The following CRMP1 variants were observed in gnomAD, a reference collection of about 807,000 sequenced individuals.
CRMP1 encodes collapsin response mediator protein 1, also known as dihydropyrimidinase-related protein 1.
A neutral mutation model predicts 68.3 loss-of-function variants in CRMP1; 19 were observed. The ratio of observed to expected loss-of-function variants is 0.28; its 90% CI spans 0.19 to 0.41. CRMP1 has a LOEUF of 0.41. Among genes scored for constraint, CRMP1 ranks in the 10% least tolerant of loss-of-function variants. The pLI, the probability that CRMP1 is intolerant of heterozygous loss-of-function variation, is 1.00. For missense variants in CRMP1, 791 were observed against 967.4 expected, an observed-to-expected ratio of 0.82 and a Z score of 2.42; for synonymous variants, 439 against 399.6, an observed-to-expected ratio of 1.10 and a Z score of -1.18.
At chr4:5,856,348 G>C in intron 3 of CRMP1, 41 bp from the exon 4 acceptor site, 4 of 1,588,122 alleles carry the variant, frequency 2.5e-6, no homozygotes, top group Non-Finnish European at 3.4e-6. Context: ...TCAGACTCAA[G>C]TGTTCCAATG....
chr4:5,825,457 G>C lies in CRMP1; in HGVS notation c.1969+37C>G, dbSNP rs1249892600. On this transcript the variant is annotated intron_variant, in intron 13 of 13. Transcript: ENST00000324989. The surrounding 1 kb of genome is among the most constrained non-coding windows in gnomAD (Gnocchi z 4.4). ...CAGGAAGGACTCGGCCTGAACTGCT[G>C]CAATTGTGGGGAGCCTGGGCCACCA... The C allele has an allele frequency of 2.6e-6, 4 of 1,535,380 alleles. No homozygotes were observed. Among genetic ancestry groups the C allele is most frequent in the Non-Finnish European group, 3.5e-6 (4 of 1,149,342 alleles).
chr4:5,873,739 C>G (rs1374460785), intron 1 of CRMP1, among the ~76,000 whole-genome samples: 1 of 152,138 alleles, frequency 6.6e-6, no homozygotes, highest in Non-Finnish European at 1.5e-5. Flanking sequence ...AGACCATATT[C>G]CATGGGGAAA....
Position 5,888,640 on chromosome 4 carries a change from C to G in CRMP1, c.381+3949G>C. The G allele has an allele frequency of 1.0e-6, 1 of 961,104 alleles. No homozygotes were observed. The highest frequency in any genetic ancestry group is 1.2e-6 in the Non-Finnish European group (1 of 809,664). The allele number at this position is 961,104 out of a possible 1,614,324, so 59.5% of individuals were successfully genotyped here. On this transcript the variant is annotated intron_variant, in intron 1 of 13. Coordinates refer to ENST00000324989, the MANE Select transcript of CRMP1 (RefSeq NM_001014809.3). This position sits in a 1 kb window ranked among gnomAD's most constrained non-coding sequence, Gnocchi z 6.4. ...CTCCCACCCCGCCCCCCGCCCCCCA[C>G]CCGCCCAGCCCCGCCGACCCCCGCC...
At position 5,841,003 on chromosome 4, in the gene CRMP1, A is replaced by G. The variant is rs1488763671; in HGVS notation, c.1153+305T>C. ...CTGAATTTTGAAGAGAGTACAGAAAACATCATGCAAAATATTAATGATTTT... is the reference window on the plus strand; with the variant it reads ...CTGAATTTTGAAGAGAGTACAGAAAGCATCATGCAAAATATTAATGATTTT... On this transcript the variant is annotated intron_variant, in intron 8 of 13. Coordinates refer to ENST00000324989, the MANE Select transcript of CRMP1 (RefSeq NM_001014809.3). This position sits in a 1 kb window ranked among gnomAD's most constrained non-coding sequence, Gnocchi z 6.9. Among the ~76,000 whole-genome samples, 2 of 152,184 alleles carry G rather than the reference A, an allele frequency of 1.3e-5. No homozygotes were observed. Among genetic ancestry groups the G allele is most frequent in the East Asian group, 3.8e-4 (2 of 5,202 alleles).
At chr4:5,885,201 C>T (rs1010860497) in intron 1 of CRMP1, among the ~76,000 whole-genome samples, 1 of 152,134 alleles carries the variant, frequency 6.6e-6, no homozygotes, top group Non-Finnish European at 1.5e-5. Flanking sequence ...GCCCATGCTG[C>T]GCCCCTGCCT....
intron 1 of CRMP1, among the ~76,000 whole-genome samples, chr4:5,874,792 A>G (rs1021356524): frequency 1.9e-4 from 29 of 152,200 alleles, no homozygotes; most frequent in African/African-American, 6.0e-4. Context: ...ACAAAGGGAG[A>G]AAAGAATACA....
Position 5,835,897 on chromosome 4 carries a change from A to C in CRMP1, c.1623+18T>G. 3 of 1,463,756 alleles carry C rather than the reference A, an allele frequency of 2.0e-6. No individual in the cohort carries two copies. Among genetic ancestry groups the C allele is most frequent in the Non-Finnish European group, 2.7e-6 (3 of 1,103,448 alleles). The allele number at this position is 1,463,756 out of a possible 1,614,324, so 90.7% of individuals were successfully genotyped here. On this transcript the variant is annotated intron_variant, in intron 11 of 13. Transcript: ENST00000324989. ...GAAGAATCACTTATCTCAGCAGCAC[A>C]AATAGGCCAGGACTTACCGACTTGT...
At position 5,837,630 on chromosome 4, in the gene CRMP1, A is replaced by AAAAAT. The variant is rs1213497115; in HGVS notation, c.1311-729_1311-725dup. On this transcript the variant is annotated intron_variant, in intron 9 of 13. Transcript: ENST00000324989. ...GCGACAAGAGCAAAACGCAGTCTCAAAAAATAAAATAAAATAAAATAATAA... is the reference window on the plus strand; with the variant it reads ...GCGACAAGAGCAAAACGCAGTCTCAAAAAATAAAATAAAATAAAATAAAATAATAA... Among the ~76,000 whole-genome samples, 7 of 93,140 alleles carry AAAAAT rather than the reference A, an allele frequency of 7.5e-5. No individual in the cohort carries two copies. The East Asian group carries it at 1.4e-3, about 19-fold the overall frequency. The allele number at this position is 93,140 out of a possible 152,430, so 61.1% of individuals were successfully genotyped here.
rs115040376 is a variant in CRMP1 at position 5,861,472 on chromosome 4, C to T, written c.471-262G>A. ...GAGGAGGGGCCCTTTCATCCAGTCT[C>T]ATTATCTAAGAAGGCTTCCAGGTGG... On this transcript the variant is annotated intron_variant, in intron 2 of 13. Coordinates refer to ENST00000324989, the MANE Select transcript of CRMP1 (RefSeq NM_001014809.3). The surrounding 1 kb of genome is among the most constrained non-coding windows in gnomAD (Gnocchi z 6.0). 5.4e-3 allele frequency among the ~76,000 whole-genome samples: 828 copies of T among 152,266 alleles called. 7 individuals are homozygous for T. The highest frequency in any genetic ancestry group is 0.019 in the African/African-American group (774 of 41,560).
In CRMP1 at chr4:5,888,904, C is replaced by T. The variant is rs998832818; in HGVS notation, c.381+3685G>A. ...GGGAACGTTCTTGTCCCTCCAGGAT[C>T]GCGCCCAAGGACCGCTCCCCTCTTG... is the stretch of plus-strand genomic sequence containing the variant. On this transcript the variant is annotated intron_variant, in intron 1 of 13. Transcript: ENST00000324989. This position sits in a 1 kb window ranked among gnomAD's most constrained non-coding sequence, Gnocchi z 6.4. Among the ~76,000 whole-genome samples the T allele has an allele frequency of 6.6e-6, 1 of 151,918 alleles. No individual in the cohort carries two copies. The highest frequency in any genetic ancestry group is 1.5e-5 in the Non-Finnish European group (1 of 67,948).
intron 1 of CRMP1, among the ~76,000 whole-genome samples, chr4:5,869,203 T>C (rs1317876535): frequency 6.6e-6 from 1 of 152,138 alleles, no homozygotes; most frequent in Non-Finnish European, 1.5e-5. Context: ...TCCTCCCTCC[T>C]CGGTTTCCCA....
At chr4:5,823,218 C>T (rs1458815613) in intron 13 of CRMP1, among the ~76,000 whole-genome samples, 1 of 152,122 alleles carries the variant, frequency 6.6e-6, no homozygotes, top group Non-Finnish European at 1.5e-5. Flanking sequence ...TAGATGAGCC[C>T]CTTCCAACTC....
At position 5,828,625 on chromosome 4, in the gene CRMP1, G is replaced by A. The variant is rs139579016; in HGVS notation, c.1667C>T (p.Ser556Phe). Residue 556 changes from serine (S) to phenylalanine (F), a missense_variant, in exon 12 of 14, where the codon TCC (serine) becomes TTC (phenylalanine). Ser to Phe is a radical substitution (Grantham distance 155). Coordinates refer to ENST00000324989, the MANE Select transcript of CRMP1 (RefSeq NM_001014809.3). ...NIFEGMECHG[S>F]PLVVISQGKI... ...GCCCTGGCTGATGACCACTAGTGGG[G>A]AGCCGTGGCACTCCATACCCTCGAA... is the stretch of plus-strand genomic sequence containing the variant. 123 of 1,614,222 alleles carry A rather than the reference G, an allele frequency of 7.6e-5. No individual in the cohort carries two copies. In the African/African-American group the frequency reaches 1.4e-3, roughly 18 times the overall value.
Position 5,832,392 on chromosome 4 carries a change from T to C in CRMP1, c.1623+3523A>G, listed in dbSNP as rs147289567. On this transcript the variant is annotated intron_variant, in intron 11 of 13. Transcript: ENST00000324989. ...TACAAACATGTATGCATACCCATGA[T>C]GTGGCACTTTGATGTGAATGTTTTC... Among the ~76,000 whole-genome samples the C allele has an allele frequency of 4.1e-3, 621 of 152,346 alleles. 6 individuals carry two copies. The highest frequency in any genetic ancestry group is 0.014 in the African/African-American group (581 of 41,578).
In CRMP1 at chr4:5,861,167, T is replaced by C; in HGVS notation, c.514A>G (p.Ile172Val). 5.0e-6 allele frequency: 8 copies of C among 1,614,212 alleles called. No individual in the cohort carries two copies. Among genetic ancestry groups the C allele is most frequent in the Non-Finnish European group, 6.8e-6 (8 of 1,180,036 alleles). The change falls in exon 3 of 14, where the codon ATT becomes GTT. Residue 172 changes from isoleucine to valine, a missense_variant. By Grantham distance (29) the Ile-to-Val change is conservative. Around this residue, in one of 3 missense-constraint regions of CRMP1, gnomAD observed 594 missense variants for 763.6 expected, o/e 0.78. Coordinates refer to ENST00000324989, the MANE Select transcript of CRMP1 (RefSeq NM_001014809.3). The surrounding 1 kb of genome is among the most constrained non-coding windows in gnomAD (Gnocchi z 6.0). ...NLIVPGGVKT[I>V]EANGRMVIPG... is the part of the protein sequence containing the mutation. ...ATAACCATCCGCCCGTTGGCTTCAA[T>C]GGTCTTCACTCCACCAGGAACGATT...
At position 5,826,092 on chromosome 4, in the gene CRMP1, T is replaced by A. The variant is rs562246439; in HGVS notation, c.1804-433A>T. 6 of 240,752 alleles carry A rather than the reference T, an allele frequency of 2.5e-5. No individual in the cohort carries two copies. In the Admixed American group the frequency reaches 2.5e-4, roughly 10 times the overall value. 14.9% of individuals were successfully genotyped at this position (240,752 alleles called of 1,614,324 possible). A position where few individuals can be genotyped will look rare whatever the true frequency, so the allele number is the denominator to read the frequency against. On this transcript the variant is annotated intron_variant, in intron 12 of 13. Transcript: ENST00000324989. The stretch of plus-strand genomic sequence containing the variant: ...CATGCATACATGCCCACACACACAC[T>A]CATACAGGTATACACACCCATATAT...
Position 5,825,807 on chromosome 4 carries a change from G to A in CRMP1, c.1804-148C>T. On this transcript the variant is annotated intron_variant, in intron 12 of 13. Transcript: ENST00000324989. This position sits in a 1 kb window ranked among gnomAD's most constrained non-coding sequence, Gnocchi z 4.4. The stretch of plus-strand genomic sequence containing the variant: ...ACACACACAACACGCACACACGACA[G>A]GTGCACTTCACACACATGCAGCCGC... 1 of 730,350 alleles carries A rather than the reference G, an allele frequency of 1.4e-6. No homozygotes were observed. The highest frequency in any genetic ancestry group is 3.0e-5 in the East Asian group (1 of 33,346). 45.2% of individuals were successfully genotyped at this position (730,350 alleles called of 1,614,324 possible). A position where few individuals can be genotyped will look rare whatever the true frequency, so the allele number is the denominator to read the frequency against.
In CRMP1 at chr4:5,861,859, C is replaced by T. The variant is rs924376058; in HGVS notation, c.471-649G>A. On this transcript the variant is annotated intron_variant, in intron 2 of 13. Transcript: ENST00000324989. This position sits in a 1 kb window ranked among gnomAD's most constrained non-coding sequence, Gnocchi z 6.0. Reference sequence around the variant, plus strand: ...GGGTGATTTTTATTCTAAAAAAAATCCAATTGTTGTGAACGCTTGAGATTG... The same window carrying T: ...GGGTGATTTTTATTCTAAAAAAAATTCAATTGTTGTGAACGCTTGAGATTG... 2.6e-5 allele frequency among the ~76,000 whole-genome samples: 4 copies of T among 152,128 alleles called. No individual in the cohort carries two copies. The highest frequency in any genetic ancestry group is 9.7e-5 in the African/African-American group (4 of 41,430).
intron 2 of CRMP1, among the ~76,000 whole-genome samples, chr4:5,864,299 T>G (rs975497510): frequency 1.3e-5 from 2 of 152,132 alleles, no homozygotes; most frequent in Non-Finnish European, 2.9e-5. Flanking sequence ...CAGGGTCATT[T>G]TACCTTTCAG....
Sources: gnomAD v4.1 joint callset for allele counts (sites outside exome capture counted in the v4.1 genomes callset) on GRCh38, gnomAD v4.1.1 for gene constraint, gnomAD v4.1.1 regional missense constraint, Gnocchi (gnomAD v3.1) non-coding constraint, MANE v1.5 for transcripts, NCBI Gene and HGNC (gene_info 2026-07-23, HGNC 2026-07-21) for gene names.